The following NOL7 variants were observed in gnomAD, a reference collection of about 807,000 sequenced individuals.
The protein encoded by NOL7 is U3 small nucleolar RNA-associated protein NOL7.
NOL7 carries 36 observed loss-of-function variants against 38.4 expected under a neutral mutation model. The ratio of observed to expected loss-of-function variants is 0.94; its 90% CI spans 0.72 to 1.24. The LOEUF (loss-of-function observed/expected upper bound fraction) is 1.24, where lower values mean the gene tolerates loss of function less well. Ranked by LOEUF, NOL7 falls within the 50% of genes most tolerant of loss-of-function variation. The probability of loss-of-function intolerance (pLI) is 0.00; values close to 1 mark genes in which losing one functional copy is unlikely to be tolerated. For synonymous variants in NOL7, 142 were observed against 126.5 expected (o/e 1.12, Z -0.82); for missense variants, 350 against 315.1 (o/e 1.11, Z -0.84).
Position 13,615,781 on chromosome 6 carries a change from C to T in NOL7, c.327+9C>T, listed in dbSNP as rs1764264496. On this transcript the variant is annotated intron_variant, in intron 2 of 7. Coordinates refer to ENST00000451315, the MANE Select transcript of NOL7 (RefSeq NM_016167.5). ...TGTTCATCGAACAGAAGGTTAGAGG[C>T]TAGGGAGGAGGTGTCTTATTAAAAC... 2.5e-6 allele frequency: 4 copies of T among 1,607,026 alleles called. No individual in the cohort carries two copies. Among genetic ancestry groups the T allele is most frequent in the Non-Finnish European group, 3.4e-6 (4 of 1,177,634 alleles).
chr6:13,615,690 G>A (rs1292506354), intron 1 of NOL7, 22 bp from the exon 2 acceptor site: 2 of 1,614,178 alleles, frequency 1.2e-6, no homozygotes, highest in Admixed American at 1.7e-5. Flanking sequence ...TCCCTTTGCT[G>A]ACTTATCACC....
intron 8 of NOL7, among the ~76,000 whole-genome samples, chr6:13,630,833 T>C (rs1201196937): frequency 6.6e-6 from 1 of 151,758 alleles, no homozygotes; most frequent in Non-Finnish European, 1.5e-5. Flanking sequence ...GCCACTCTTC[T>C]CATTTTTCTA....
At chr6:13,616,402 C>T in intron 2 of NOL7, 61 bp from the exon 3 acceptor site, 2 of 1,204,548 alleles carry the variant, frequency 1.7e-6, no homozygotes, top group South Asian at 1.4e-5. Flanking sequence ...ACTTCAGAAG[C>T]AACTCCGGAC....
rs955194265 is a variant in NOL7, at chr6:13,615,463, G to A, written c.105G>A (p.Leu35=). 2 of 1,550,684 alleles carry A rather than the reference G, an allele frequency of 1.3e-6. No individual in the cohort carries two copies. Among genetic ancestry groups the A allele is most frequent in the African/African-American group, 2.7e-5 (2 of 73,084 alleles). The change falls in exon 1 of 8, where the codon CTG becomes CTA. Residue 35 remains leucine (L), a synonymous_variant. Transcript: ENST00000451315. ...ASEEEEAEHG[L]LLGQPSSGAA... ...AGGAGGAGGAGGCGGAGCACGGGCT[G>A]TTGCTCGGGCAGCCCAGCAGCGGCG...
rs12111399 is a variant in NOL7, at chr6:13,620,154, A to G, written c.501-54A>G. On this transcript the variant is annotated intron_variant, in intron 5 of 7. Coordinates refer to ENST00000451315, the MANE Select transcript of NOL7 (RefSeq NM_016167.5). The stretch of plus-strand genomic sequence containing the variant: ...CGAGACTCTGTCTCAGGAAGAAAAA[A>G]AAAAGAAAGTAAGCATGTGTAATTC... The G allele has an allele frequency of 1.2e-3, 1,824 of 1,565,836 alleles. 21 individuals are homozygous for G. The African/African-American group carries it at 0.022, about 19-fold the overall frequency.
downstream of NOL7, chr6:13,622,523 G>A (rs746734235): frequency 6.6e-7 from 1 of 1,523,632 alleles, no homozygotes; most frequent in South Asian, 1.3e-5. Flanking sequence ...AATGAGAACA[G>A]CAATTAGCAA....
intron 5 of NOL7, among the ~76,000 whole-genome samples, chr6:13,620,007 T>C (rs1188943931): frequency 3.9e-5 from 6 of 151,992 alleles, no homozygotes; most frequent in Admixed American, 3.3e-4. Flanking sequence ...ATAAAAAAAT[T>C]AGCTGGGCAT....
chr6:13,625,869 A>G, downstream of NOL7: 1 of 772,918 alleles, frequency 1.3e-6, no homozygotes, highest in Non-Finnish European at 2.2e-6. Flanking sequence ...GCACAGACTA[A>G]TAATGTAAAC....
intron 8 of NOL7, chr6:13,632,334 A>C: frequency 1.3e-6 from 2 of 1,595,022 alleles, no homozygotes; most frequent in Non-Finnish European, 1.7e-6. Flanking sequence ...AGTTCCTCTG[A>C]CATATTCATA....
downstream of NOL7, among the ~76,000 whole-genome samples, chr6:13,623,235 G>A (rs1048898756): frequency 6.6e-6 from 1 of 152,108 alleles, no homozygotes; most frequent in African/African-American, 2.4e-5. Context: ...CTCAGAAGCT[G>A]GTAATTTCTC....
downstream of NOL7, among the ~76,000 whole-genome samples, chr6:13,623,109 G>C (rs758356664): frequency 2.6e-5 from 4 of 152,036 alleles, no homozygotes; most frequent in Admixed American, 1.3e-4. Flanking sequence ...AAATTTTCAG[G>C]GTCCTGCATA....
intron 1 of NOL7, 41 bp downstream of exon 1, chr6:13,615,665 C>T (rs749989240): frequency 2.5e-6 from 4 of 1,613,614 alleles, no homozygotes; most frequent in Non-Finnish European, 2.5e-6. Flanking sequence ...CGCCCTTTCT[C>T]GTCCCGCTTG....
chr6:13,628,305 A>G (rs1178519637), intron 8 of NOL7, among the ~76,000 whole-genome samples: 1 of 152,234 alleles, frequency 6.6e-6, no homozygotes, highest in Non-Finnish European at 1.5e-5. Flanking sequence ...AGTGATGACC[A>G]GGACCTAGTC....
At chr6:13,616,387 C>T (rs1219865243) in intron 2 of NOL7, 76 bp from the exon 3 acceptor site, 3 of 995,346 alleles carry the variant, frequency 3.0e-6, no homozygotes, top group Non-Finnish European at 4.6e-6. Flanking sequence ...TTCTTAAAAG[C>T]GGTAACTTCA....
chr6:13,623,786 G>A (rs367951297), downstream of NOL7, among the ~76,000 whole-genome samples: 12 of 152,100 alleles, frequency 7.9e-5, no homozygotes, highest in East Asian at 5.8e-4. Context: ...TACAGGAATC[G>A]CATACATTTA....
intron 5 of NOL7, among the ~76,000 whole-genome samples, chr6:13,618,553 A>G (rs1764351370): frequency 6.6e-6 from 1 of 152,178 alleles, no homozygotes; most frequent in African/African-American, 2.4e-5. Flanking sequence ...GGCCGGGAAA[A>G]TATTTTAATT....
downstream of NOL7, chr6:13,622,584 A>G (rs1466748114): frequency 7.6e-7 from 1 of 1,316,168 alleles, no homozygotes; most frequent in African/African-American, 1.5e-5. Flanking sequence ...GACTTTAAAA[A>G]CTACCACTCC....
At chr6:13,622,575 A>G, downstream of NOL7, 1 of 1,366,066 alleles carries the variant, frequency 7.3e-7, no homozygotes, top group African/African-American at 1.5e-5. Flanking sequence ...TACTGCAATG[A>G]CTTTAAAAAC....
chr6:13,624,807 G>C (rs1331345324), downstream of NOL7, among the ~76,000 whole-genome samples: 1 of 152,180 alleles, frequency 6.6e-6, no homozygotes. Context: ...TATTGGGTAA[G>C]GGCATGTAGT....
Sources: allele counts gnomAD v4.1 joint callset (sites outside exome capture counted in the v4.1 genomes callset), GRCh38; gene constraint gnomAD v4.1.1; transcripts MANE v1.5; gene names NCBI Gene and HGNC (gene_info 2026-07-23, HGNC 2026-07-21).